The following ACOT7 variants were observed in gnomAD, a reference collection of about 807,000 sequenced individuals.
ACOT7 encodes cytosolic acyl coenzyme A thioester hydrolase.
A neutral mutation model predicts 40.2 loss-of-function variants in ACOT7; 12 were observed. The observed-to-expected ratio is 0.30, with a 90% CI of 0.19 to 0.48. ACOT7 has a LOEUF of 0.48. Ranked by LOEUF, ACOT7 falls within the 20% of genes least tolerant of loss-of-function variation. The probability of loss-of-function intolerance (pLI) is 0.99; values close to 1 mark genes in which losing one functional copy is unlikely to be tolerated. For missense variants in ACOT7, 395 were observed against 530.8 expected (o/e 0.74, Z 2.51); for synonymous variants, 228 against 219.5 (o/e 1.04, Z -0.34).
chr1:6,388,586 A>G (rs1642479899), intron 1 of ACOT7, among the ~76,000 whole-genome samples: 1 of 150,564 alleles, frequency 6.6e-6, no homozygotes, highest in Admixed American at 6.6e-5. Flanking sequence ...TAAAAATACA[A>G]AAATTAGCCG....
chr1:6,382,940 A>T (rs1162012306), intron 1 of ACOT7, among the ~76,000 whole-genome samples: 1 of 150,996 alleles, frequency 6.6e-6, no homozygotes, highest in Non-Finnish European at 1.5e-5. Context: ...GTGCAATGTC[A>T]CGATCTTGGA....
intron 2 of ACOT7, among the ~76,000 whole-genome samples, chr1:6,341,434 A>G (rs1200123698): frequency 6.7e-6 from 1 of 148,752 alleles, no homozygotes; most frequent in Non-Finnish European, 1.5e-5. Flanking sequence ...TGCCCGGCCC[A>G]ACTATTCTTT....
At chr1:6,353,272 T>C (rs573173749) in intron 1 of ACOT7, among the ~76,000 whole-genome samples, 46 of 151,932 alleles carry the variant, frequency 3.0e-4, no homozygotes, top group African/African-American at 1.0e-3. Flanking sequence ...TGAGCCACAA[T>C]TGCACCACTG....
intron 1 of ACOT7, among the ~76,000 whole-genome samples, chr1:6,383,967 G>T (rs1642396673): frequency 6.6e-6 from 1 of 151,764 alleles, no homozygotes; most frequent in Non-Finnish European, 1.5e-5. Context: ...GCCTCCCAAA[G>T]TGCTGGGATT....
intron 2 of ACOT7, among the ~76,000 whole-genome samples, chr1:6,341,948 G>A (rs1404441663): frequency 6.6e-6 from 1 of 152,162 alleles, no homozygotes; most frequent in Non-Finnish European, 1.5e-5. Flanking sequence ...GCTCCCAGAT[G>A]GTGGACATGG....
At chr1:6,285,337 G>T (rs955352481) in intron 7 of ACOT7, among the ~76,000 whole-genome samples, 3 of 152,190 alleles carry the variant, frequency 2.0e-5, no homozygotes, top group Non-Finnish European at 4.4e-5. Flanking sequence ...CCTGCTGGCC[G>T]GTACTTCCTT....
rs142108868 is a variant in ACOT7 at position 6,329,391 on chromosome 1, G to A, written c.511-1978C>T. On this transcript the variant is annotated intron_variant, in intron 4 of 8. Transcript: ENST00000361521. ...ATAAACCACGTCCTAATGTTCCACC[G>A]GCCAAGTAACGACTGTGAGAAGAGA... is the stretch of plus-strand genomic sequence containing the variant. Among the ~76,000 whole-genome samples, 544 of 152,212 alleles carry A rather than the reference G, an allele frequency of 3.6e-3. 2 individuals carry two copies. Among genetic ancestry groups the A allele is most frequent in the Admixed American group, 6.6e-3 (101 of 15,298 alleles).
In ACOT7 at chr1:6,380,113, A is replaced by C. The variant is rs77321109; in HGVS notation, c.143+13144T>G. Among the ~76,000 whole-genome samples the C allele has an allele frequency of 4.9e-3, 741 of 151,898 alleles. 7 individuals are homozygous for C. Among genetic ancestry groups the C allele is most frequent in the African/African-American group, 0.015 (626 of 41,544 alleles). ...AAAAATATTTGCAAATCACATCGGA[A>C]ATAGCCAAACAATCATGAAAAAGAA... On this transcript the variant is annotated intron_variant, in intron 1 of 8. Transcript: ENST00000361521.
intron 8 of ACOT7, among the ~76,000 whole-genome samples, chr1:6,269,926 C>T (rs1043417764): frequency 6.6e-5 from 10 of 152,236 alleles, no homozygotes; most frequent in African/African-American, 1.7e-4. Flanking sequence ...TGCCCAGGGG[C>T]GCCCTTCCAG....
At chr1:6,276,817 C>A (rs1179189969) in intron 8 of ACOT7, among the ~76,000 whole-genome samples, 1 of 152,136 alleles carries the variant, frequency 6.6e-6, no homozygotes, top group Non-Finnish European at 1.5e-5. Context: ...CCCCAGGACA[C>A]CTCAGTGAAG....
rs1042618831 is a variant in ACOT7, at chr1:6,359,565, G to A, written c.144-9699C>T. ...CACTCCCGCGGGCTCTTAGGCTGCC[G>A]GCTGCCACCTGTGGGCCCTGTGCCC... On this transcript the variant is annotated intron_variant, in intron 1 of 8. Transcript: ENST00000361521. The surrounding 1 kb of genome is among the most constrained non-coding windows in gnomAD (Gnocchi z 4.1). Among the ~76,000 whole-genome samples the A allele has an allele frequency of 5.3e-5, 8 of 151,854 alleles. No homozygotes were observed. The highest frequency in any genetic ancestry group is 2.1e-4 in the South Asian group (1 of 4,812).
rs377004137 is a variant in ACOT7 at position 6,278,317 on chromosome 1, C to T, written c.1014+2785G>A. Among the ~76,000 whole-genome samples, 2 of 151,954 alleles carry T rather than the reference C, an allele frequency of 1.3e-5. No homozygotes were observed. Among genetic ancestry groups the T allele is most frequent in the African/African-American group, 2.4e-5 (1 of 41,354 alleles). On this transcript the variant is annotated intron_variant, in intron 8 of 8. Coordinates refer to ENST00000361521, the MANE Select transcript of ACOT7 (RefSeq NM_007274.4). This position sits in a 1 kb window ranked among gnomAD's most constrained non-coding sequence, Gnocchi z 4.1. ...CATTTCGGTGGGAGAGGGAGCAACT[C>T]GGATTTTGATGACCAGTTTCCTGGG...
At chr1:6,357,498 C>T (rs1641779350) in intron 1 of ACOT7, among the ~76,000 whole-genome samples, 1 of 152,256 alleles carries the variant, frequency 6.6e-6, no homozygotes, top group African/African-American at 2.4e-5. Flanking sequence ...CCACCCTCAC[C>T]TCAGCTGGAA....
rs940484960 is a variant in ACOT7 at position 6,391,251 on chromosome 1, C to T, written c.143+2006G>A. Among the ~76,000 whole-genome samples, 2 of 150,500 alleles carry T rather than the reference C, an allele frequency of 1.3e-5. 1 individual carries two copies. Among genetic ancestry groups the T allele is most frequent in the South Asian group, 4.2e-4 (2 of 4,766 alleles). ...CGGTGGTTCACACCTGTAATCCCAG[C>T]ACTTTGGGAGGCCGAGGAGGGCAGA... On this transcript the variant is annotated intron_variant, in intron 1 of 8. Transcript: ENST00000361521.
intron 8 of ACOT7, among the ~76,000 whole-genome samples, chr1:6,268,572 G>A (rs535452861): frequency 4.1e-4 from 63 of 152,302 alleles, no homozygotes; most frequent in African/African-American, 1.4e-3. Context: ...GCACAGGCGC[G>A]ATTTTCCCCA....
chr1:6,346,647 T>C (rs980340977), intron 2 of ACOT7, among the ~76,000 whole-genome samples: 1 of 152,266 alleles, frequency 6.6e-6, no homozygotes, highest in African/African-American at 2.4e-5. Context: ...CACTGTGCCC[T>C]GACTCCACAT....
rs1639146200 is a variant in ACOT7, at chr1:6,274,958, A to C, written c.1014+6144T>G. Among the ~76,000 whole-genome samples the C allele has an allele frequency of 6.6e-6, 1 of 152,190 alleles. No homozygotes were observed. Among genetic ancestry groups the C allele is most frequent in the Non-Finnish European group, 1.5e-5 (1 of 68,024 alleles). On this transcript the variant is annotated intron_variant, in intron 8 of 8. Transcript: ENST00000361521. The surrounding 1 kb of genome is among the most constrained non-coding windows in gnomAD (Gnocchi z 5.9). ...GAGAAAGCACAGTGGCATCGATGAC[A>C]GCAGTGAGCGGCCCCCTTTCCCAGT...
rs77030690 is a variant in ACOT7 at position 6,282,062 on chromosome 1, TC to T, written c.830-777del. The stretch of plus-strand genomic sequence containing the variant: ...CATACATTGTTCCCATGTCCCTCTC[TC>T]CCCCTCAACCCTAACCAACCTCTCT... On this transcript the variant is annotated intron_variant, in intron 7 of 8. Transcript: ENST00000361521. This position sits in a 1 kb window ranked among gnomAD's most constrained non-coding sequence, Gnocchi z 4.5. Among the ~76,000 whole-genome samples the T allele has an allele frequency of 0.12, 17,979 of 151,618 alleles. 1,749 individuals are homozygous for T. The highest frequency in any genetic ancestry group is 0.26 in the African/African-American group (10,747 of 41,268).
intron 7 of ACOT7, among the ~76,000 whole-genome samples, chr1:6,291,811 G>A (rs931121997): frequency 4.6e-5 from 7 of 152,166 alleles, no homozygotes; most frequent in African/African-American, 1.7e-4. Context: ...CCAGCCCCCC[G>A]CGGTTTCTCA....
Sources: gnomAD v4.1 joint callset for allele counts (sites outside exome capture counted in the v4.1 genomes callset) on GRCh38, gnomAD v4.1.1 for gene constraint, Gnocchi (gnomAD v3.1) non-coding constraint, MANE v1.5 for transcripts, NCBI Gene and HGNC (gene_info 2026-07-23, HGNC 2026-07-21) for gene names.